The following PRKCA variants were observed in gnomAD, a reference collection of about 807,000 sequenced individuals.
PRKCA encodes protein kinase C alpha, also known as protein kinase C alpha type.
A neutral mutation model predicts 87.0 loss-of-function variants in PRKCA; 27 were observed. That is an observed-to-expected ratio of 0.31 (90% CI 0.23 to 0.43). The LOEUF is 0.43. Among genes scored for constraint, PRKCA ranks in the 20% least tolerant of loss-of-function variants. The probability of loss-of-function intolerance (pLI) is 1.00; values close to 1 mark genes in which losing one functional copy is unlikely to be tolerated. For missense variants in PRKCA, 518 were observed against 852.3 expected (o/e 0.61, Z 4.88); for synonymous variants, 329 against 311.1 (o/e 1.06, Z -0.61).
chr17:66,572,055 G>A (rs1969094088), intron 3 of PRKCA, among the ~76,000 whole-genome samples: 1 of 152,206 alleles, frequency 6.6e-6, no homozygotes, highest in Non-Finnish European at 1.5e-5. Flanking sequence ...CAGAGACTGT[G>A]GTGTCTGTGA....
chr17:66,519,247 GT>G (rs1381979913), intron 3 of PRKCA, among the ~76,000 whole-genome samples: 2 of 152,138 alleles, frequency 1.3e-5, no homozygotes, highest in East Asian at 3.8e-4. Flanking sequence ...CACAGGGATT[GT>G]TGGAAATTTC....
chr17:66,474,401 G>T (rs924897061), intron 2 of PRKCA, among the ~76,000 whole-genome samples: 3 of 152,196 alleles, frequency 2.0e-5, no homozygotes, highest in Admixed American at 6.5e-5. Context: ...ATATACATTT[G>T]CTGGGAAGAG....
intron 14 of PRKCA, chr17:66,774,632 A>C: frequency 1.0e-6 from 1 of 987,748 alleles, no homozygotes; most frequent in South Asian, 4.7e-5. Context: ...AAAGAAAAAA[A>C]TGTGCACGTT....
chr17:66,375,405 G>C (rs1313310187), intron 2 of PRKCA, among the ~76,000 whole-genome samples: 1 of 152,198 alleles, frequency 6.6e-6, no homozygotes, highest in Non-Finnish European at 1.5e-5. Context: ...TACATGGGCT[G>C]TATAGTGATG....
chr17:66,587,893 GTGTATATATATATATATA>G (rs1428521448), intron 3 of PRKCA, among the ~76,000 whole-genome samples: 528 of 51,634 alleles, frequency 0.01, 56 homozygotes, highest in Non-Finnish European at 0.011. Flanking sequence ...GTGTGTGTGT[GTGTATATATATATATATA>G]TATATATATA....
intron 13 of PRKCA, among the ~76,000 whole-genome samples, chr17:66,761,368 CAAA>C (rs796715547): frequency 7.4e-6 from 1 of 134,272 alleles, no homozygotes; most frequent in Admixed American, 7.4e-5. Flanking sequence ...GACTCCGTCT[CAAA>C]AAAAAAAAAA....
At chr17:66,590,265 C>T (rs968249362) in intron 3 of PRKCA, among the ~76,000 whole-genome samples, 2 of 152,164 alleles carry the variant, frequency 1.3e-5, no homozygotes, top group African/African-American at 2.4e-5. Context: ...CACATCAGCC[C>T]TCTGTCTGAA....
At chr17:66,386,018 C>A (rs931938542) in intron 2 of PRKCA, among the ~76,000 whole-genome samples, 2 of 152,014 alleles carry the variant, frequency 1.3e-5, no homozygotes, top group African/African-American at 4.8e-5. Flanking sequence ...CCTCGGCCTC[C>A]CAAAGTGCTG....
At chr17:66,635,598 A>G (rs898668975) in intron 3 of PRKCA, among the ~76,000 whole-genome samples, 12 of 152,204 alleles carry the variant, frequency 7.9e-5, no homozygotes, top group African/African-American at 2.7e-4. Context: ...ACTCCTTAAC[A>G]TGAGATCAGC....
intron 13 of PRKCA, among the ~76,000 whole-genome samples, chr17:66,765,414 T>TTG (rs1183050086): frequency 8.2e-4 from 24 of 29,370 alleles, no homozygotes; most frequent in African/African-American, 3.0e-3. Context: ...GAGCAAGACT[T>TTG]TGTCTATATA....
At chr17:66,697,230 C>G (rs1972945418) in intron 8 of PRKCA, among the ~76,000 whole-genome samples, 1 of 152,184 alleles carries the variant, frequency 6.6e-6, no homozygotes, top group African/African-American at 2.4e-5. Flanking sequence ...TTTGCCTTAT[C>G]TTGAAAATCC....
At chr17:66,436,389 T>C (rs1913395822) in intron 2 of PRKCA, among the ~76,000 whole-genome samples, 1 of 152,144 alleles carries the variant, frequency 6.6e-6, no homozygotes, top group Admixed American at 6.5e-5. Flanking sequence ...CTGTCTGTTT[T>C]CCCCATTTAT....
chr17:66,312,657 G>A (rs942075724), intron 2 of PRKCA, among the ~76,000 whole-genome samples: 1 of 149,522 alleles, frequency 6.7e-6, no homozygotes, highest in African/African-American at 2.5e-5. Flanking sequence ...TGTTTCACCT[G>A]TTAAGTCTTA....
At chr17:66,347,494 G>T (rs1406256774) in intron 2 of PRKCA, among the ~76,000 whole-genome samples, 2 of 152,204 alleles carry the variant, frequency 1.3e-5, no homozygotes, top group Non-Finnish European at 2.9e-5. Flanking sequence ...ATGAAACCGT[G>T]TCTGTGTTTC....
At chr17:66,609,012 C>T (rs181209864) in intron 3 of PRKCA, among the ~76,000 whole-genome samples, 5 of 152,290 alleles carry the variant, frequency 3.3e-5, no homozygotes, top group Non-Finnish European at 5.9e-5. Context: ...ATGCAGTTTG[C>T]GTGAATGAAG....
intron 2 of PRKCA, among the ~76,000 whole-genome samples, chr17:66,473,501 C>G (rs78002782): frequency 0.014 from 2,170 of 152,240 alleles, 21 homozygotes; most frequent in Non-Finnish European, 0.022. Flanking sequence ...CCCTCAGTTA[C>G]CAGAGTCCCT....
At chr17:66,438,002 G>A (rs951011326) in intron 2 of PRKCA, among the ~76,000 whole-genome samples, 1 of 150,988 alleles carries the variant, frequency 6.6e-6, no homozygotes, top group Admixed American at 6.6e-5. Context: ...CCTTTATACA[G>A]TCTGGTGGGG....
chr17:66,614,001 G>A (rs1200837668), intron 3 of PRKCA, among the ~76,000 whole-genome samples: 1 of 152,000 alleles, frequency 6.6e-6, no homozygotes, highest in African/African-American at 2.4e-5. Flanking sequence ...AAGATGGCCA[G>A]GCTTGTCTTG....
intron 3 of PRKCA, among the ~76,000 whole-genome samples, chr17:66,602,521 C>T (rs1970074960): frequency 6.6e-6 from 1 of 152,006 alleles, no homozygotes. Flanking sequence ...GCAGAAATCA[C>T]CCGTCTTCTG....
Sources: gnomAD v4.1 joint callset for allele counts (sites outside exome capture counted in the v4.1 genomes callset) on GRCh38, gnomAD v4.1.1 for gene constraint, MANE v1.5 for transcripts, NCBI Gene and HGNC (gene_info 2026-07-23, HGNC 2026-07-21) for gene names.